The following ITGAX variants were observed in gnomAD, a reference collection of about 807,000 sequenced individuals.
The protein encoded by ITGAX is integrin subunit alpha X, also known as integrin alpha-X.
A neutral mutation model predicts 140.2 loss-of-function variants in ITGAX; 99 were observed. The observed-to-expected ratio is 0.71, with a 90% CI of 0.60 to 0.83. The LOEUF is 0.83. ITGAX is among the 40% of genes least tolerant of loss of function. The probability of loss-of-function intolerance (pLI) is 0.00; values close to 1 mark genes in which losing one functional copy is unlikely to be tolerated. For synonymous variants in ITGAX, 631 were observed against 600.4 expected (o/e 1.05, Z -0.75); for missense variants, 1,444 against 1,482.0 (o/e 0.97, Z 0.42).
intron 2 of ITGAX, 78 bp from the exon 3 acceptor site, chr16:31,356,547 G>C: frequency 1.1e-6 from 1 of 904,042 alleles, no homozygotes; most frequent in Non-Finnish European, 1.8e-6. Context: ...GCTCAGGGAG[G>C]GAACGCAAAC....
intron 20 of ITGAX, among the ~76,000 whole-genome samples, chr16:31,375,425 T>C (rs1162173655): frequency 1.3e-5 from 2 of 152,234 alleles, no homozygotes; most frequent in African/African-American, 4.8e-5. Flanking sequence ...GCTGGTGCCA[T>C]GTTCTTGGAC....
At chr16:31,362,493 C>T (rs1352484719) in intron 11 of ITGAX, 118 bp from the exon 12 acceptor site, 8 of 1,364,580 alleles carry the variant, frequency 5.9e-6, no homozygotes, top group Non-Finnish European at 7.8e-6. Context: ...GGCTGCATTG[C>T]CCAGGGTGGG....
intron 26 of ITGAX, 99 bp downstream of exon 26, chr16:31,380,164 T>C (rs1004934713): frequency 6.6e-7 from 1 of 1,524,346 alleles, no homozygotes; most frequent in Non-Finnish European, 9.1e-7. Flanking sequence ...AAGTACCCTC[T>C]TGCATTCGGA....
rs185801809 is a variant in ITGAX at position 31,356,788 on chromosome 16, G to A, written c.247+60G>A. 9.6e-5 allele frequency: 119 copies of A among 1,236,648 alleles called. No individual in the cohort carries two copies. In the East Asian group the frequency reaches 2.7e-3, roughly 28 times the overall value. The allele number at this position is 1,236,648 out of a possible 1,614,324, so 76.6% of individuals were successfully genotyped here. A position where few individuals can be genotyped will look rare whatever the true frequency, so the allele number is the denominator to read the frequency against. The stretch of plus-strand genomic sequence containing the variant: ...GCTCCCAGGCTTCCCTGCTCCAGGG[G>A]CCCGTGGACTCACCGGAGTGTCACT... On this transcript the variant is annotated intron_variant, in intron 3 of 29. Transcript: ENST00000268296.
chr16:31,376,841 G>A lies in ITGAX; in HGVS notation c.2551G>A (p.Ala851Thr), dbSNP rs148620790. ...LRSLHLTCDSAPVGSQGTWST... is the reference protein window; with the variant it reads ...LRSLHLTCDSTPVGSQGTWST... ...TTCCCTGCACCTGACATGTGACAGC[G>A]CCCCAGTTGGGAGCCAGGGCACCTG... Residue 851 changes from alanine (A) to threonine (T), a missense_variant, in exon 21 of 30, where the codon GCC (alanine) becomes ACC (threonine). By Grantham distance (58) the Ala-to-Thr change is moderately conservative (BLOSUM62 0). Coordinates refer to ENST00000268296, the MANE Select transcript of ITGAX (RefSeq NM_000887.5). 1.9e-5 allele frequency: 31 copies of A among 1,614,040 alleles called. No homozygotes were observed. Among genetic ancestry groups the A allele is most frequent in the East Asian group, 4.5e-5 (2 of 44,892 alleles).
chr16:31,361,108 G>T lies in ITGAX; in HGVS notation c.907G>T (p.Asp303Tyr), dbSNP rs368447705. The T allele has an allele frequency of 1.9e-6, 3 of 1,613,610 alleles. No homozygotes were observed. The highest frequency in any genetic ancestry group is 2.5e-6 in the Non-Finnish European group (3 of 1,179,878). ...QNRNSWKELN[D>Y]IASKPSQEHI... ...CAGAAATTCTTGGAAAGAATTAAAT[G>T]ACATTGCATCGAAGCCCTCCCAGGA... is the stretch of plus-strand genomic sequence containing the variant. Residue 303 changes from aspartate to tyrosine, a missense_variant, in exon 9 of 30, where the codon GAC (aspartate) becomes TAC (tyrosine). Transcript: ENST00000268296.
At chr16:31,360,273 G>C in intron 7 of ITGAX, 37 bp from the exon 8 acceptor site, 1 of 1,572,632 alleles carries the variant, frequency 6.4e-7, no homozygotes, top group Non-Finnish European at 8.6e-7. Flanking sequence ...AGTGTGGTTT[G>C]GTTCACAGGC....
At chr16:31,379,720 T>C in intron 24 of ITGAX, 37 bp from the exon 25 acceptor site, 2 of 1,602,048 alleles carry the variant, frequency 1.2e-6, no homozygotes, top group East Asian at 4.5e-5. Flanking sequence ...GGATTTGGGC[T>C]TTGGCGTGGG....
rs1356551806 is a variant in ITGAX at position 31,378,704 on chromosome 16, CAA to C, written c.2790-863_2790-862del. On this transcript the variant is annotated intron_variant, in intron 23 of 29. Coordinates refer to ENST00000268296, the MANE Select transcript of ITGAX (RefSeq NM_000887.5). ...CCAGGCTGATCTTGAATCCTGGCCT[CAA>C]GTGATCCTCCCACCTCAACCTCCCA... Among the ~76,000 whole-genome samples, 7 of 152,106 alleles carry C rather than the reference CAA, an allele frequency of 4.6e-5. No homozygotes were observed. The East Asian group carries it at 1.3e-3, about 29-fold the overall frequency.
At position 31,371,443 on chromosome 16, in the gene ITGAX, C is replaced by G. The variant is rs753723236; in HGVS notation, c.1951C>G (p.Gln651Glu). Residue 651 changes from glutamine to glutamate, a missense_variant, in exon 16 of 30, where the codon CAG (glutamine) becomes GAG (glutamate). By Grantham distance (29) the Gln-to-Glu change is conservative. Coordinates refer to ENST00000268296, the MANE Select transcript of ITGAX (RefSeq NM_000887.5). Reference sequence around the variant, plus strand: ...GGTGGTCTCTGAGCAGACCCTGGTACAGTCCAACATCTGCCTTTACATTGA... The same window carrying G: ...GGTGGTCTCTGAGCAGACCCTGGTAGAGTCCAACATCTGCCTTTACATTGA... ...EQVVSEQTLVQSNICLYIDKR... is the reference protein window; with the variant it reads ...EQVVSEQTLVESNICLYIDKR... 9 of 1,614,186 alleles carry G rather than the reference C, an allele frequency of 5.6e-6. No homozygotes were observed. Among genetic ancestry groups the G allele is most frequent in the Non-Finnish European group, 7.6e-6 (9 of 1,180,026 alleles).
At chr16:31,357,790 T>G in intron 5 of ITGAX, 1 of 409,852 alleles carries the variant, frequency 2.4e-6, no homozygotes, top group Non-Finnish European at 4.3e-6. Flanking sequence ...TTAGGAAAGG[T>G]CAGTGAAAGT....
intron 14 of ITGAX, among the ~76,000 whole-genome samples, chr16:31,364,012 C>A (rs2080865951): frequency 6.6e-6 from 1 of 152,168 alleles, no homozygotes; most frequent in African/African-American, 2.4e-5. Flanking sequence ...TCCCTTCCTG[C>A]CATCAAGGTC....
chr16:31,355,317 G>T (rs748068696), intron 1 of ITGAX, 26 bp downstream of exon 1: 2 of 1,613,362 alleles, frequency 1.2e-6, no homozygotes, highest in Non-Finnish European at 1.7e-6. Context: ...AATGAAGTAG[G>T]GCTGGGGACC....
In ITGAX at chr16:31,355,216, G is replaced by A. The variant is rs1404279858; in HGVS notation, c.-39G>A. On this transcript the variant is annotated 5_prime_UTR_variant, in exon 1 of 30. Transcript: ENST00000268296. ...ACCTTGGTCCAGCTCTTCCTGCAACGGCCCAGGAGCTCAGAGCTCCACATC... is the reference window on the plus strand; with the variant it reads ...ACCTTGGTCCAGCTCTTCCTGCAACAGCCCAGGAGCTCAGAGCTCCACATC... 5.0e-6 allele frequency: 8 copies of A among 1,612,552 alleles called. No homozygotes were observed. The highest frequency in any genetic ancestry group is 1.1e-5 in the South Asian group (1 of 91,000).
intron 14 of ITGAX, among the ~76,000 whole-genome samples, chr16:31,367,394 T>C (rs540665356): frequency 1.4e-4 from 22 of 152,334 alleles, no homozygotes; most frequent in African/African-American, 5.1e-4. Flanking sequence ...AATGCCTGGC[T>C]TCAAAGCTTC....
Position 31,382,383 on chromosome 16 carries a change from C to T in ITGAX, c.*476C>T, listed in dbSNP as rs1308844468. 1 of 1,495,166 alleles carries T rather than the reference C, an allele frequency of 6.7e-7. No homozygotes were observed. Among genetic ancestry groups the T allele is most frequent in the Non-Finnish European group, 9.0e-7 (1 of 1,110,408 alleles). 92.6% of individuals were successfully genotyped at this position (1,495,166 alleles called of 1,614,324 possible). On this transcript the variant is annotated 3_prime_UTR_variant, in exon 30 of 30. Coordinates refer to ENST00000268296, the MANE Select transcript of ITGAX (RefSeq NM_000887.5). ...GTCTCAGCCTCCTGAGTAGCTGGGA[C>T]TACAGGCACACGCCACCTCGCCCGG... is the stretch of plus-strand genomic sequence containing the variant.
chr16:31,380,043 A>G lies in ITGAX; in HGVS notation c.3038A>G (p.His1013Arg), dbSNP rs2081054210. ...CCCCCAGCATCTGACTTCCTGGCGC[A>G]CATTCAGAAGAATCCCGTGCTGGTG... ...IAPPASDFLA[H>R]IQKNPVLDCS... The change falls in exon 26 of 30, where the codon CAC becomes CGC. Residue 1013 changes from histidine to arginine, a missense_variant. His to Arg is a conservative substitution (Grantham distance 29). Coordinates refer to ENST00000268296, the MANE Select transcript of ITGAX (RefSeq NM_000887.5). 2 of 1,614,036 alleles carry G rather than the reference A, an allele frequency of 1.2e-6. No homozygotes were observed. The highest frequency in any genetic ancestry group is 1.1e-5 in the South Asian group (1 of 91,072).
Position 31,380,575 on chromosome 16 carries a change from C to A in ITGAX, c.3227C>A (p.Thr1076Lys). 5 of 1,614,276 alleles carry A rather than the reference C, an allele frequency of 3.1e-6. No individual in the cohort carries two copies. The highest frequency in any genetic ancestry group is 4.2e-6 in the Non-Finnish European group (5 of 1,180,052). Reference protein sequence around the residue: ...VVSVAEITFDTSVYSQLPGQE... With the variant: ...VVSVAEITFDKSVYSQLPGQE... ...AGTGTGGCTGAAATTACGTTCGACA[C>A]ATCCGTGTACTCCCAGCTTCCAGGA... The change falls in exon 28 of 30, where the codon ACA becomes AAA. Residue 1076 changes from threonine (T) to lysine (K), a missense_variant. Coordinates refer to ENST00000268296, the MANE Select transcript of ITGAX (RefSeq NM_000887.5).
Position 31,377,024 on chromosome 16 carries a change from G to C in ITGAX, c.2650G>C (p.Val884Leu), listed in dbSNP as rs946699001. The C allele has an allele frequency of 6.2e-7, 1 of 1,613,958 alleles. No homozygotes were observed. Among genetic ancestry groups the C allele is most frequent in the Non-Finnish European group, 8.5e-7 (1 of 1,180,026 alleles). ...AQITFLATFDVSPKAVLGDRL... is the reference protein window; with the variant it reads ...AQITFLATFDLSPKAVLGDRL... ...GATCACCTTCTTGGCTACCTTTGAC[G>C]TCTCCCCCAAGGCTGTCCTGGGAGA... Residue 884 changes from valine (V) to leucine (L), a missense_variant, in exon 22 of 30, where the codon GTC becomes CTC. By Grantham distance (32) the Val-to-Leu change is conservative (BLOSUM62 1). Transcript: ENST00000268296.
Sources: gnomAD v4.1 joint callset for allele counts (sites outside exome capture counted in the v4.1 genomes callset) on GRCh38, gnomAD v4.1.1 for gene constraint, MANE v1.5 for transcripts, NCBI Gene and HGNC (gene_info 2026-07-23, HGNC 2026-07-21) for gene names.